TYW1: variants seen among roughly 807,000 people sequenced by gnomAD.
The protein encoded by TYW1 is tRNA-yW synthesizing protein 1 homolog.
TYW1 carries 46 observed loss-of-function variants against 96.2 expected under a neutral mutation model. That is an observed-to-expected ratio of 0.48 (90% CI 0.38 to 0.61). The LOEUF is 0.61. Ranked by LOEUF, TYW1 falls within the 20% of genes least tolerant of loss-of-function variation. The pLI is 0.00. For synonymous variants in TYW1, 274 were observed against 323.0 expected (o/e 0.85, Z 1.63); for missense variants, 684 against 909.6 (o/e 0.75, Z 3.19).
intron 15 of TYW1, among the ~76,000 whole-genome samples, chr7:67,219,030 T>C (rs1041596938): frequency 3.3e-5 from 5 of 152,236 alleles, no homozygotes; most frequent in African/African-American, 1.2e-4. Flanking sequence ...TGATATTCAC[T>C]GTAGGTTTTT....
At chr7:67,066,021 ACACACACACACC>A (rs1242719740) in intron 9 of TYW1, among the ~76,000 whole-genome samples, 20 of 136,584 alleles carry the variant, frequency 1.5e-4, no homozygotes, top group Non-Finnish European at 2.7e-4. Context: ...ACACACACAC[ACACACACACACC>A]CACACCCCTA....
intron 14 of TYW1, 117 bp from the exon 15 acceptor site, chr7:67,195,053 A>G (rs1415729614): frequency 2.1e-5 from 25 of 1,203,144 alleles, no homozygotes; most frequent in Non-Finnish European, 2.9e-5. Flanking sequence ...CTTCACTGTA[A>G]AATACGGACT....
At chr7:67,159,211 G>A (rs1482803457) in intron 13 of TYW1, among the ~76,000 whole-genome samples, 3 of 152,070 alleles carry the variant, frequency 2.0e-5, no homozygotes, top group Non-Finnish European at 4.4e-5. Flanking sequence ...AGTTGGGTTT[G>A]TCATGATTTT....
intron 12 of TYW1, among the ~76,000 whole-genome samples, chr7:67,116,203 G>A (rs1421569949): frequency 6.6e-6 from 1 of 151,956 alleles, no homozygotes; most frequent in Non-Finnish European, 1.5e-5. Context: ...CGGTACACTT[G>A]TAATCCCAGC....
At chr7:67,231,602 C>T (rs1273304730) in intron 15 of TYW1, among the ~76,000 whole-genome samples, 2 of 152,174 alleles carry the variant, frequency 1.3e-5, no homozygotes. Context: ...GAGGTTGGAC[C>T]TGCTGTCTTT....
At chr7:67,038,466 C>T (rs1794906110) in intron 7 of TYW1, among the ~76,000 whole-genome samples, 1 of 151,962 alleles carries the variant, frequency 6.6e-6, no homozygotes, top group African/African-American at 2.4e-5. Context: ...GTTAGCTGGG[C>T]ATGGTGGCTG....
At chr7:67,114,155 C>T (rs887472050) in intron 12 of TYW1, among the ~76,000 whole-genome samples, 6 of 152,188 alleles carry the variant, frequency 3.9e-5, no homozygotes, top group Admixed American at 1.3e-4. Flanking sequence ...CCCTCTTCCT[C>T]CTGAGCTATT....
At chr7:67,075,157 G>A (rs1796162544) in intron 10 of TYW1, among the ~76,000 whole-genome samples, 1 of 152,084 alleles carries the variant, frequency 6.6e-6, no homozygotes. Flanking sequence ...TAGATAAAAT[G>A]CTGTTCCACC....
intron 10 of TYW1, among the ~76,000 whole-genome samples, chr7:67,073,039 C>T (rs1796082774): frequency 6.8e-6 from 1 of 148,084 alleles, no homozygotes; most frequent in South Asian, 2.1e-4. Context: ...TCCTCTTAGC[C>T]TCCCAAAGTG....
intron 3 of TYW1, among the ~76,000 whole-genome samples, chr7:66,999,377 CAG>C (rs1562958959): frequency 6.6e-6 from 1 of 152,100 alleles, no homozygotes; most frequent in African/African-American, 2.4e-5. Context: ...TTTTTTGAGA[CAG>C]AGTCTCACTC....
chr7:67,102,292 G>A (rs1021322183), intron 12 of TYW1, among the ~76,000 whole-genome samples: 17 of 152,086 alleles, frequency 1.1e-4, no homozygotes, highest in African/African-American at 3.9e-4. Flanking sequence ...ACAAAATGCC[G>A]GCCACATTTG....
chr7:67,119,002 C>T (rs932586729), intron 13 of TYW1, among the ~76,000 whole-genome samples: 1 of 151,124 alleles, frequency 6.6e-6, no homozygotes, highest in Non-Finnish European at 1.5e-5. Context: ...AGAATGTTCA[C>T]ACTGAATGTC....
At chr7:67,014,102 G>A (rs751697687) in intron 4 of TYW1, among the ~76,000 whole-genome samples, 2 of 151,520 alleles carry the variant, frequency 1.3e-5, no homozygotes, top group Non-Finnish European at 2.9e-5. Flanking sequence ...GCGATGATGA[G>A]AATGTATAGT....
Position 67,110,776 on chromosome 7 carries a change from G to A in TYW1, c.1563-6707G>A, listed in dbSNP as rs1482003542. Among the ~76,000 whole-genome samples the A allele has an allele frequency of 2.6e-5, 4 of 152,218 alleles. No individual in the cohort carries two copies. In the East Asian group the frequency reaches 5.8e-4, roughly 22 times the overall value. On this transcript the variant is annotated intron_variant, in intron 12 of 15. Transcript: ENST00000359626. ...TGCTTGAACTTCGGGAGGCTGGGAC[G>A]GGAGGATTGTTTGAGGCCAGGAGTT...
chr7:67,129,941 T>C (rs1197956728), intron 13 of TYW1, among the ~76,000 whole-genome samples: 1 of 152,246 alleles, frequency 6.6e-6, no homozygotes, highest in African/African-American at 2.4e-5. Context: ...CATTTATTGA[T>C]GAACCATCTT....
intron 7 of TYW1, among the ~76,000 whole-genome samples, chr7:67,032,161 C>T (rs571830198): frequency 6.6e-6 from 1 of 151,954 alleles, no homozygotes; most frequent in Non-Finnish European, 1.5e-5. Context: ...GAGAAAAGAC[C>T]ATTGTCTGGA....
chr7:67,214,369 C>T (rs1801140275), intron 15 of TYW1, among the ~76,000 whole-genome samples: 1 of 152,126 alleles, frequency 6.6e-6, no homozygotes, highest in Non-Finnish European at 1.5e-5. Flanking sequence ...TTGCTATAAT[C>T]ACTTGTTAGT....
At chr7:67,020,645 C>T (rs1003530365) in intron 6 of TYW1, among the ~76,000 whole-genome samples, 2 of 152,274 alleles carry the variant, frequency 1.3e-5, no homozygotes, top group African/African-American at 2.4e-5. Flanking sequence ...GACCTTAGCA[C>T]CTAATCTGAC....
At chr7:67,053,678 TC>T (rs1360626359) in intron 8 of TYW1, among the ~76,000 whole-genome samples, 3 of 152,064 alleles carry the variant, frequency 2.0e-5, no homozygotes, top group African/African-American at 7.2e-5. Context: ...ACCATGCCCA[TC>T]CCATTTGGGA....
Sources: gnomAD v4.1 joint callset for allele counts (sites outside exome capture counted in the v4.1 genomes callset) on GRCh38, gnomAD v4.1.1 for gene constraint, MANE v1.5 for transcripts, NCBI Gene and HGNC (gene_info 2026-07-23, HGNC 2026-07-21) for gene names.